Variants in RARB observed in about 807,000 individuals in gnomAD.
RARB encodes the protein retinoic acid receptor beta, also known as HBV-activated protein.
A neutral mutation model predicts 51.9 loss-of-function variants in RARB; 17 were observed. The ratio of observed to expected loss-of-function variants is 0.33; its 90% CI spans 0.22 to 0.49. The LOEUF is 0.49. Among genes scored for constraint, RARB ranks in the 20% least tolerant of loss-of-function variants. The probability of loss-of-function intolerance (pLI) is 0.99; values close to 1 mark genes in which losing one functional copy is unlikely to be tolerated. For missense variants in RARB, 369 were observed against 550.8 expected (o/e 0.67, Z 3.30); for synonymous variants, 215 against 195.4 (o/e 1.10, Z -0.84).
chr3:25,320,496 C>A (rs1704541896), intron 5 of RARB, among the ~76,000 whole-genome samples: 1 of 152,178 alleles, frequency 6.6e-6, no homozygotes, highest in African/African-American at 2.4e-5. Flanking sequence ...CCTGTCTGCC[C>A]TGACTCCATT....
At chr3:25,553,074 T>C (rs973661837) in intron 3 of RARB, among the ~76,000 whole-genome samples, 1 of 151,824 alleles carries the variant, frequency 6.6e-6, no homozygotes, top group African/African-American at 2.4e-5. Context: ...GTGAATACTA[T>C]GAAATGCATG....
At chr3:25,060,352 C>T (rs1394550164) in intron 3 of RARB, among the ~76,000 whole-genome samples, 1 of 151,756 alleles carries the variant, frequency 6.6e-6, no homozygotes, top group Non-Finnish European at 1.5e-5. Flanking sequence ...AAAAATGGTT[C>T]TATAAATGGT....
chr3:25,236,984 C>G (rs1056786069), intron 5 of RARB, among the ~76,000 whole-genome samples: 2 of 117,188 alleles, frequency 1.7e-5, no homozygotes, highest in African/African-American at 6.6e-5. Flanking sequence ...ACTCTAAACA[C>G]AAGTTGTTGG....
intron 5 of RARB, among the ~76,000 whole-genome samples, chr3:25,407,440 C>A (rs56032509): frequency 6.6e-6 from 1 of 151,920 alleles, no homozygotes. Context: ...TTACAAGAGA[C>A]CTGCTTAAAT....
chr3:25,037,159 C>T (rs1698014454), intron 2 of RARB, among the ~76,000 whole-genome samples: 2 of 152,056 alleles, frequency 1.3e-5, no homozygotes, highest in African/African-American at 4.8e-5. Flanking sequence ...TGTAGAGTGT[C>T]AGTATAAATA....
chr3:25,297,935 G>A (rs1025134023), intron 5 of RARB, among the ~76,000 whole-genome samples: 10 of 152,088 alleles, frequency 6.6e-5, no homozygotes, highest in Non-Finnish European at 7.4e-5. Context: ...ATGTGTGTGT[G>A]TATACATATG....
At chr3:25,008,265 C>G (rs1697317793) in intron 2 of RARB, among the ~76,000 whole-genome samples, 1 of 152,100 alleles carries the variant, frequency 6.6e-6, no homozygotes, top group South Asian at 2.1e-4. Context: ...CCCTGCTACT[C>G]TCTATAATTT....
intron 5 of RARB, among the ~76,000 whole-genome samples, chr3:25,195,746 A>G (rs979620676): frequency 1.3e-5 from 2 of 152,098 alleles, no homozygotes; most frequent in African/African-American, 2.4e-5. Context: ...AGTTAAGTCT[A>G]AATTAAAATT....
At chr3:25,542,721 A>T (rs969162033) in intron 3 of RARB, among the ~76,000 whole-genome samples, 2 of 152,232 alleles carry the variant, frequency 1.3e-5, no homozygotes, top group Non-Finnish European at 2.9e-5. Flanking sequence ...AAGCATTTCC[A>T]TGTGGCTGTG....
chr3:25,391,228 A>G (rs974770867), intron 5 of RARB, among the ~76,000 whole-genome samples: 2 of 152,052 alleles, frequency 1.3e-5, no homozygotes, highest in Non-Finnish European at 2.9e-5. Flanking sequence ...CCATTATTTC[A>G]TTCCTTTTTT....
chr3:25,326,195 T>A (rs754392568), intron 5 of RARB, among the ~76,000 whole-genome samples: 5 of 152,208 alleles, frequency 3.3e-5, no homozygotes, highest in Non-Finnish European at 5.9e-5. Context: ...TATATCTCCC[T>A]AAAATTCTGA....
At chr3:25,001,866 C>T (rs1358576591) in intron 2 of RARB, among the ~76,000 whole-genome samples, 1 of 152,070 alleles carries the variant, frequency 6.6e-6, no homozygotes, top group African/African-American at 2.4e-5. Context: ...AAACCTCTGC[C>T]CTCCAAGCTC....
intron 5 of RARB, among the ~76,000 whole-genome samples, chr3:25,584,734 G>A (rs999471886): frequency 4.6e-5 from 7 of 152,128 alleles, no homozygotes; most frequent in African/African-American, 1.7e-4. Flanking sequence ...GGTGTACCAC[G>A]GTCTGACTTT....
intron 1 of RARB, among the ~76,000 whole-genome samples, chr3:24,839,757 G>A (rs1340413935): frequency 6.7e-6 from 1 of 148,400 alleles, no homozygotes; most frequent in East Asian, 2.0e-4. Context: ...TTGGGTAATT[G>A]AAGCACAAAT....
intron 4 of RARB, among the ~76,000 whole-genome samples, chr3:25,173,698 T>C (rs1700686721): frequency 6.6e-6 from 1 of 152,114 alleles, no homozygotes; most frequent in Non-Finnish European, 1.5e-5. Flanking sequence ...ATACTCAGGG[T>C]CTATCCCTTG....
At chr3:25,349,683 A>C (rs1229627533) in intron 5 of RARB, among the ~76,000 whole-genome samples, 1 of 152,186 alleles carries the variant, frequency 6.6e-6, no homozygotes, top group African/African-American at 2.4e-5. Flanking sequence ...ATTTAAACCA[A>C]AGTTGTACAT....
chr3:25,181,712 T>C (rs1358118501), intron 5 of RARB, among the ~76,000 whole-genome samples: 3 of 152,204 alleles, frequency 2.0e-5, no homozygotes. Context: ...ATGCAAAACA[T>C]TGTTGTATGC....
chr3:25,062,997 A>G (rs1052028822), intron 3 of RARB, among the ~76,000 whole-genome samples: 7 of 152,010 alleles, frequency 4.6e-5, no homozygotes, highest in African/African-American at 1.2e-4. Context: ...CATACAACTC[A>G]TAGAGTTTGT....
At chr3:25,161,079 C>T (rs1310456464) in intron 4 of RARB, among the ~76,000 whole-genome samples, 1 of 152,110 alleles carries the variant, frequency 6.6e-6, no homozygotes, top group Non-Finnish European at 1.5e-5. Flanking sequence ...GTGGCCCAAT[C>T]TCGGCTCACT....
Sources: allele counts gnomAD v4.1 joint callset (sites outside exome capture counted in the v4.1 genomes callset), GRCh38; gene constraint gnomAD v4.1.1; transcripts MANE v1.5; gene names NCBI Gene and HGNC (gene_info 2026-07-23, HGNC 2026-07-21).